Variants in PDE4B observed in about 807,000 individuals in gnomAD.
PDE4B encodes the protein phosphodiesterase 4B.
In PDE4B, 20 loss-of-function variants were observed where a neutral mutation model predicts 82.2. The ratio of observed to expected loss-of-function variants is 0.24; its 90% CI spans 0.17 to 0.35. The LOEUF (loss-of-function observed/expected upper bound fraction) is 0.35. PDE4B is among the 10% of genes least tolerant of loss of function. PDE4B has a pLI of 1.00. For synonymous variants in PDE4B, 320 were observed against 318.9 expected, an observed-to-expected ratio of 1.00 and a Z score of -0.04; for missense variants, 655 against 907.2, an observed-to-expected ratio of 0.72 and a Z score of 3.57.
At chr1:66,133,171 T>A (rs929763315) in intron 3 of PDE4B, among the ~76,000 whole-genome samples, 4 of 152,142 alleles carry the variant, frequency 2.6e-5, no homozygotes, top group Admixed American at 2.6e-4. Context: ...GCAGGAAGGT[T>A]GCCTCTGTTT....
chr1:66,355,658 G>A lies in PDE4B; in HGVS notation c.841+38G>A, dbSNP rs1243629738. 7.3e-6 allele frequency: 9 copies of A among 1,241,096 alleles called. No homozygotes were observed. In the South Asian group the frequency reaches 1.0e-4, roughly 14 times the overall value. The allele number at this position is 1,241,096 out of a possible 1,614,324, so 76.9% of individuals were successfully genotyped here. A position where few individuals can be genotyped will look rare whatever the true frequency, so the allele number is the denominator to read the frequency against. On this transcript the variant is annotated intron_variant, in intron 9 of 16. Transcript: ENST00000341517. ...CTGGGAAAAACCTGTTTTATAACTG[G>A]GGTTTTCAGAATTAATTTCTACAAC...
At chr1:66,207,229 C>T (rs913040080) in intron 3 of PDE4B, among the ~76,000 whole-genome samples, 2 of 152,090 alleles carry the variant, frequency 1.3e-5, no homozygotes, top group African/African-American at 4.8e-5. Context: ...TTCTAGTCTT[C>T]AAGTGCCATT....
At chr1:65,968,361 A>G (rs1332721717) in intron 3 of PDE4B, among the ~76,000 whole-genome samples, 1 of 152,110 alleles carries the variant, frequency 6.6e-6, no homozygotes, top group Non-Finnish European at 1.5e-5. Flanking sequence ...ATGCTTATTG[A>G]ATGTCTTCTC....
At chr1:66,165,523 A>G (rs993156370) in intron 3 of PDE4B, among the ~76,000 whole-genome samples, 1 of 152,136 alleles carries the variant, frequency 6.6e-6, no homozygotes, top group Non-Finnish European at 1.5e-5. Flanking sequence ...ACTAAAAAAA[A>G]ACTAATAAAT....
At chr1:65,887,444 G>T (rs1382896093) in intron 1 of PDE4B, among the ~76,000 whole-genome samples, 1 of 17,924 alleles carries the variant, frequency 5.6e-5, no homozygotes, top group Non-Finnish European at 1.0e-4. Flanking sequence ...TTTTTACAGG[G>T]TCTCACTCTT....
chr1:66,126,288 G>T (rs1645821921), intron 3 of PDE4B, among the ~76,000 whole-genome samples: 1 of 152,170 alleles, frequency 6.6e-6, no homozygotes, highest in Non-Finnish European at 1.5e-5. Flanking sequence ...ACAAAGGTCA[G>T]TTCCTAACTA....
chr1:65,922,026 A>G (rs1647268108), intron 3 of PDE4B, among the ~76,000 whole-genome samples: 1 of 152,188 alleles, frequency 6.6e-6, no homozygotes, highest in East Asian at 1.9e-4. Flanking sequence ...TCATATGTTT[A>G]TTTGGAGAAA....
chr1:66,239,604 A>G (rs115509953), intron 3 of PDE4B, among the ~76,000 whole-genome samples: 100 of 152,346 alleles, frequency 6.6e-4, no homozygotes, highest in African/African-American at 2.4e-3. Flanking sequence ...TAAGCTTGCT[A>G]GAAATAATGC....
At chr1:66,265,901 T>C (rs1044694191) in intron 6 of PDE4B, 137 bp from the exon 7 acceptor site, 10 of 676,072 alleles carry the variant, frequency 1.5e-5, no homozygotes, top group Non-Finnish European at 1.9e-5. Flanking sequence ...GAGCTTGCCT[T>C]CCGGAGATGG....
intron 7 of PDE4B, among the ~76,000 whole-genome samples, chr1:66,304,766 G>A (rs760933929): frequency 1.3e-5 from 2 of 152,022 alleles, no homozygotes; most frequent in African/African-American, 2.4e-5. Flanking sequence ...AATGTCCCTC[G>A]CCTTATTCAA....
At chr1:65,884,012 T>C (rs937668696) in intron 1 of PDE4B, among the ~76,000 whole-genome samples, 8 of 152,172 alleles carry the variant, frequency 5.3e-5, no homozygotes, top group Admixed American at 2.6e-4. Flanking sequence ...GAAGCCCACT[T>C]GATCATGGTG....
intron 3 of PDE4B, among the ~76,000 whole-genome samples, chr1:66,101,861 C>A (rs1371189896): frequency 6.6e-6 from 1 of 152,110 alleles, no homozygotes; most frequent in Non-Finnish European, 1.5e-5. Context: ...TCAATTTTGG[C>A]TTTTGTTGCC....
chr1:66,260,427 C>T, intron 6 of PDE4B, among the ~76,000 whole-genome samples: 1 of 151,806 alleles, frequency 6.6e-6, no homozygotes, highest in Admixed American at 6.6e-5. Flanking sequence ...GTCAGAAAGC[C>T]TGAAGACAGA....
intron 1 of PDE4B, among the ~76,000 whole-genome samples, chr1:65,866,167 A>G (rs974818188): frequency 6.6e-6 from 1 of 152,064 alleles, no homozygotes; most frequent in Non-Finnish European, 1.5e-5. Context: ...TAAAACTCCA[A>G]CTTTTTTTTT....
chr1:66,201,592 T>G (rs1084485), intron 3 of PDE4B, among the ~76,000 whole-genome samples: 143,056 of 148,326 alleles, frequency 0.96, 69,243 homozygotes, highest in East Asian at 1. Context: ...ATGTGTCGAG[T>G]AATTTATCCA....
At chr1:66,229,611 T>G (rs1651784596) in intron 3 of PDE4B, among the ~76,000 whole-genome samples, 1 of 152,226 alleles carries the variant, frequency 6.6e-6, no homozygotes, top group East Asian at 1.9e-4. Context: ...AACTTTTGGG[T>G]CTCTTATGTG....
chr1:66,297,440 C>T (rs1296064341), intron 7 of PDE4B, among the ~76,000 whole-genome samples: 1 of 152,056 alleles, frequency 6.6e-6, no homozygotes, highest in Non-Finnish European at 1.5e-5. Flanking sequence ...AAAAAACCCA[C>T]AAACTTTAAA....
At chr1:65,886,118 T>C (rs1435966059) in intron 1 of PDE4B, among the ~76,000 whole-genome samples, 1 of 151,730 alleles carries the variant, frequency 6.6e-6, no homozygotes, top group African/African-American at 2.4e-5. Context: ...ATGACATTTG[T>C]ATATATTTAA....
Position 65,869,381 on chromosome 1 carries a change from G to A in PDE4B, c.-70-43864G>A, listed in dbSNP as rs1351183951. 1.3e-5 allele frequency among the ~76,000 whole-genome samples: 2 copies of A among 152,118 alleles called. 1 individual carries two copies. Among genetic ancestry groups the A allele is most frequent in the African/African-American group, 4.8e-5 (2 of 41,398 alleles). ...TGTCACCTGAAAGTGCTCAATAAAT[G>A]CAATTGTTTAAAGTTATGGGATTTT... On this transcript the variant is annotated intron_variant, in intron 1 of 16. Coordinates refer to ENST00000341517, the MANE Select transcript of PDE4B (RefSeq NM_002600.4).
Sources: allele counts gnomAD v4.1 joint callset (sites outside exome capture counted in the v4.1 genomes callset), GRCh38; gene constraint gnomAD v4.1.1; transcripts MANE v1.5; gene names NCBI Gene and HGNC (gene_info 2026-07-23, HGNC 2026-07-21).